The following AOC1 variants were observed in gnomAD, a reference collection of about 807,000 sequenced individuals.
AOC1 encodes diamine oxidase [copper-containing].
AOC1 carries 58 observed loss-of-function variants against 57.1 expected under a neutral mutation model. The observed-to-expected ratio is 1.02, with a 90% CI of 0.82 to 1.26. AOC1 has a LOEUF of 1.26. Ranked by LOEUF, AOC1 falls within the 50% of genes most tolerant of loss-of-function variation. The pLI is 0.00. For missense variants in AOC1, 917 were observed against 1,005.3 expected (o/e 0.91, Z 1.19); for synonymous variants, 401 against 423.4 (o/e 0.95, Z 0.65).
rs561835838 is a variant in AOC1, at chr7:150,852,940, A to G, written c.-17+382A>G. On this transcript the variant is annotated intron_variant, in intron 1 of 4. Transcript: ENST00000360937. The surrounding 1 kb of genome is among the most constrained non-coding windows in gnomAD (Gnocchi z 4.6). ...GAAAAGCAAAAAGAAACGTGGGTAT[A>G]AGAGGTTGTAAAAAAGGAGACCCAG... is the stretch of plus-strand genomic sequence containing the variant. Among the ~76,000 whole-genome samples the G allele has an allele frequency of 3.7e-4, 56 of 152,292 alleles. No individual in the cohort carries two copies. Among genetic ancestry groups the G allele is most frequent in the African/African-American group, 7.5e-4 (31 of 41,568 alleles).
chr7:150,857,242 G>A lies in AOC1; in HGVS notation c.772G>A (p.Val258Met). The change falls in exon 2 of 5, where the codon GTG becomes ATG. Residue 258 changes from valine (V) to methionine (M), a missense_variant. Val to Met is a conservative substitution (Grantham distance 21). Transcript: ENST00000360937. This position sits in a 1 kb window ranked among gnomAD's most constrained non-coding sequence, Gnocchi z 6.6. ...GGCTCGGAAGTATGCAGATGGAGAG[G>A]TGGACGTGGTGGTCCTGGAGGACCC... ...ELARKYADGEVDVVVLEDPLP... is the reference protein window; with the variant it reads ...ELARKYADGEMDVVVLEDPLP... 1.2e-6 allele frequency: 2 copies of A among 1,611,848 alleles called. No individual in the cohort carries two copies. Among genetic ancestry groups the A allele is most frequent in the African/African-American group, 1.3e-5 (1 of 75,048 alleles).
chr7:150,854,598 C>T (rs767450975), intron 1 of AOC1, among the ~76,000 whole-genome samples: 1 of 152,078 alleles, frequency 6.6e-6, no homozygotes, highest in Non-Finnish European at 1.5e-5. Context: ...TGGGAAGGGA[C>T]AATGTGCAGC....
At chr7:150,860,833 A>C in intron 4 of AOC1, 110 bp from the exon 5 acceptor site, 3 of 1,455,698 alleles carry the variant, frequency 2.1e-6, no homozygotes, top group Non-Finnish European at 2.8e-6. Flanking sequence ...AAGGGGCTGG[A>C]GAGGAATTCA....
Position 150,857,364 on chromosome 7 carries a change from C to A in AOC1, c.894C>A (p.Ser298Arg), listed in dbSNP as rs45568935. 1 of 1,606,190 alleles carries A rather than the reference C, an allele frequency of 6.2e-7. No homozygotes were observed. Among genetic ancestry groups the A allele is most frequent in the South Asian group, 1.1e-5 (1 of 90,578 alleles). The change falls in exon 2 of 5, where the codon AGC (serine) becomes AGA (arginine). Residue 298 changes from serine (S) to arginine (R), a missense_variant. Coordinates refer to ENST00000360937, the MANE Select transcript of AOC1 (RefSeq NM_001091.4). This position sits in a 1 kb window ranked among gnomAD's most constrained non-coding sequence, Gnocchi z 6.6. ...ACTTCCCCAGCCCCATCCATGTGAG[C>A]GGCCCCCGCTTGGTCCAGCCCCACG... The part of the protein sequence containing the change: ...RGDFPSPIHV[S>R]GPRLVQPHGP...
chr7:150,853,682 TATATATATATATA>T (rs528620793), intron 1 of AOC1, among the ~76,000 whole-genome samples: 5,368 of 89,446 alleles, frequency 0.06, 353 homozygotes, highest in African/African-American at 0.21. Context: ...TATATATATA[TATATATATATATA>T]TATTTATTTA....
At position 150,856,918 on chromosome 7, in the gene AOC1, C is replaced by A; in HGVS notation, c.448C>A (p.Leu150Ile). Reference protein sequence around the residue: ...SRPISTAEYALLYHTLQEATK... With the variant: ...SRPISTAEYAILYHTLQEATK... The stretch of plus-strand genomic sequence containing the variant: ...GCCCATCTCCACAGCAGAGTATGCC[C>A]TCCTCTACCACACCCTGCAGGAAGC... Residue 150 changes from leucine (L) to isoleucine (I), a missense_variant, in exon 2 of 5, where the codon CTC becomes ATC. By Grantham distance (5) the Leu-to-Ile change is conservative (BLOSUM62 2). Transcript: ENST00000360937. This position sits in a 1 kb window ranked among gnomAD's most constrained non-coding sequence, Gnocchi z 5.2. 6.2e-7 allele frequency: 1 copy of A among 1,614,132 alleles called. No individual in the cohort carries two copies. The highest frequency in any genetic ancestry group is 8.5e-7 in the Non-Finnish European group (1 of 1,179,986).
Position 150,857,371 on chromosome 7 carries a change from C to T in AOC1, c.901C>T (p.Arg301Cys), listed in dbSNP as rs376059379. 3.3e-4 allele frequency: 535 copies of T among 1,608,352 alleles called. 3 individuals carry two copies. The highest frequency in any genetic ancestry group is 4.3e-4 in the Non-Finnish European group (510 of 1,176,946). Residue 301 changes from arginine (R) to cysteine (C), a missense_variant, in exon 2 of 5, where the codon CGC becomes TGC. Coordinates refer to ENST00000360937, the MANE Select transcript of AOC1 (RefSeq NM_001091.4). This position sits in a 1 kb window ranked among gnomAD's most constrained non-coding sequence, Gnocchi z 6.6. Reference sequence around the variant, plus strand: ...CAGCCCCATCCATGTGAGCGGCCCCCGCTTGGTCCAGCCCCACGGCCCTCG... The same window carrying T: ...CAGCCCCATCCATGTGAGCGGCCCCTGCTTGGTCCAGCCCCACGGCCCTCG... ...FPSPIHVSGP[R>C]LVQPHGPRFR...
chr7:150,856,530 G>A lies in AOC1; in HGVS notation c.60G>A (p.Glu20=). 1.2e-6 allele frequency: 2 copies of A among 1,614,068 alleles called. No homozygotes were observed. Among genetic ancestry groups the A allele is most frequent in the Non-Finnish European group, 1.7e-6 (2 of 1,179,964 alleles). Reference sequence around the variant, plus strand: ...TGATGCTGCAGACGGCCATGGCGGAGCCCTCCCCGGGGACTCTGCCCAGGA... The same window carrying A: ...TGATGCTGCAGACGGCCATGGCGGAACCCTCCCCGGGGACTCTGCCCAGGA... ...AILMLQTAMA[E]PSPGTLPRKA... Residue 20 remains glutamate, a synonymous_variant, in exon 2 of 5, where the codon GAG becomes GAA. Coordinates refer to ENST00000360937, the MANE Select transcript of AOC1 (RefSeq NM_001091.4). This position sits in a 1 kb window ranked among gnomAD's most constrained non-coding sequence, Gnocchi z 5.2.
intron 1 of AOC1, among the ~76,000 whole-genome samples, chr7:150,855,686 A>T (rs1484111610): frequency 1.3e-5 from 2 of 152,186 alleles, no homozygotes; most frequent in Non-Finnish European, 2.9e-5. Flanking sequence ...GTCACACCTG[A>T]ATCACTCTAC....
intron 1 of AOC1, among the ~76,000 whole-genome samples, chr7:150,855,250 C>T (rs1173005573): frequency 6.6e-6 from 1 of 152,096 alleles, no homozygotes; most frequent in Admixed American, 6.5e-5. Context: ...TTCACGGTGA[C>T]GGCAGCCTTC....
chr7:150,852,341 C>T (rs111466422), upstream of AOC1: 292 of 152,322 alleles, frequency 1.9e-3, 3 homozygotes, highest in Non-Finnish European at 3.5e-3. The surrounding 1 kb of genome is among the most constrained non-coding windows in gnomAD (Gnocchi z 4.6). Flanking sequence ...GAAACAGACT[C>T]AGGACAAGTG....
At position 150,857,786 on chromosome 7, in the gene AOC1, T is replaced by C. The variant is rs370458287; in HGVS notation, c.1316T>C (p.Phe439Ser). Residue 439 changes from phenylalanine (F) to serine (S), a missense_variant, in exon 2 of 5, where the codon TTC becomes TCC. Physicochemically the swap from Phe to Ser is radical, Grantham distance 155. Transcript: ENST00000360937. The surrounding 1 kb of genome is among the most constrained non-coding windows in gnomAD (Gnocchi z 6.6). ...RHFNSNFKGGFNFYAGLKGQV... is the reference protein window; with the variant it reads ...RHFNSNFKGGSNFYAGLKGQV... ...TTTAATTCCAACTTTAAAGGTGGCTTCAACTTCTATGCGGGGCTGAAGGGC... is the reference window on the plus strand; with the variant it reads ...TTTAATTCCAACTTTAAAGGTGGCTCCAACTTCTATGCGGGGCTGAAGGGC... The C allele has an allele frequency of 3.0e-5, 49 of 1,614,078 alleles. No individual in the cohort carries two copies. The African/African-American group carries it at 6.0e-4, about 20-fold the overall frequency.
At chr7:150,860,156 G>A (rs1799923986) in intron 3 of AOC1, among the ~76,000 whole-genome samples, 1 of 151,796 alleles carries the variant, frequency 6.6e-6, no homozygotes, top group Non-Finnish European at 1.5e-5. Context: ...TCCAGCCTGG[G>A]TGACAGAGCA....
At position 150,861,129 on chromosome 7, in the gene AOC1, G is replaced by C; in HGVS notation, c.2176G>C (p.Val726Leu). ...GCCTCGGGACAACGGCCCCAACTACGTCCAGCGCTGGATCCCTGAGGACAG... is the reference window on the plus strand; with the variant it reads ...GCCTCGGGACAACGGCCCCAACTACCTCCAGCGCTGGATCCCTGAGGACAG... ...VWPRDNGPNY[V>L]QRWIPEDRDC... Residue 726 changes from valine (V) to leucine (L), a missense_variant, in exon 5 of 5, where the codon GTC becomes CTC. Coordinates refer to ENST00000360937, the MANE Select transcript of AOC1 (RefSeq NM_001091.4). The surrounding 1 kb of genome is among the most constrained non-coding windows in gnomAD (Gnocchi z 4.5). 6.2e-7 allele frequency: 1 copy of C among 1,614,022 alleles called. No individual in the cohort carries two copies. Among genetic ancestry groups the C allele is most frequent in the Non-Finnish European group, 8.5e-7 (1 of 1,179,936 alleles).
chr7:150,856,358 G>A lies in AOC1; in HGVS notation c.-16-97G>A. On this transcript the variant is annotated intron_variant, in intron 1 of 4. Coordinates refer to ENST00000360937, the MANE Select transcript of AOC1 (RefSeq NM_001091.4). The surrounding 1 kb of genome is among the most constrained non-coding windows in gnomAD (Gnocchi z 5.2). ...CCAGCTTGGGGCAGGGCAAGGGGAG[G>A]AAGCTCAGTCCATGGGAAAATTCCA... 1.4e-6 allele frequency: 2 copies of A among 1,426,458 alleles called. No homozygotes were observed. The highest frequency in any genetic ancestry group is 1.4e-5 in the South Asian group (1 of 70,496). 88.4% of individuals were successfully genotyped at this position (1,426,458 alleles called of 1,614,324 possible).
rs543613705 is a variant in AOC1, at chr7:150,860,397, G to A, written c.1857-104G>A. On this transcript the variant is annotated intron_variant, in intron 3 of 4. Coordinates refer to ENST00000360937, the MANE Select transcript of AOC1 (RefSeq NM_001091.4). ...ACAGATGATCTGTCATCTTGGGGAA[G>A]GCAATCATCTTCCTCTATTCTGACC... 7.9e-4 allele frequency: 1,233 copies of A among 1,570,688 alleles called. 8 individuals are homozygous for A. Among genetic ancestry groups the A allele is most frequent in the Middle Eastern group, 7.4e-3 (44 of 5,936 alleles).
In AOC1 at chr7:150,856,098, C is replaced by G. The variant is rs754083331; in HGVS notation, c.-16-357C>G. Among the ~76,000 whole-genome samples the G allele has an allele frequency of 4.6e-5, 7 of 152,192 alleles. No homozygotes were observed. The highest frequency in any genetic ancestry group is 7.2e-5 in the African/African-American group (3 of 41,454). On this transcript the variant is annotated intron_variant, in intron 1 of 4. Coordinates refer to ENST00000360937, the MANE Select transcript of AOC1 (RefSeq NM_001091.4). The surrounding 1 kb of genome is among the most constrained non-coding windows in gnomAD (Gnocchi z 5.2). ...TACAGGTGTCTTCTTCTCCAGGACACAAGAAGCACCTGGGGGCATGTGCAG... is the reference window on the plus strand; with the variant it reads ...TACAGGTGTCTTCTTCTCCAGGACAGAAGAAGCACCTGGGGGCATGTGCAG...
rs1799664659 is a variant in AOC1 at position 150,852,988 on chromosome 7, C to A, written c.-17+430C>A. ...CAGCCGTGAAAGGACATGGAGGTAC[C>A]CTAAATGCACACTGCCAAGCAAAAG... On this transcript the variant is annotated intron_variant, in intron 1 of 4. Transcript: ENST00000360937. This position sits in a 1 kb window ranked among gnomAD's most constrained non-coding sequence, Gnocchi z 4.6. Among the ~76,000 whole-genome samples, 1 of 152,022 alleles carries A rather than the reference C, an allele frequency of 6.6e-6. No homozygotes were observed. Among genetic ancestry groups the A allele is most frequent in the African/African-American group, 2.4e-5 (1 of 41,388 alleles).
intron 4 of AOC1, 39 bp from the exon 5 acceptor site, chr7:150,860,887 GCCTCCAGTGGTCAGTAC>G: frequency 6.4e-7 from 1 of 1,557,598 alleles, no homozygotes; most frequent in Non-Finnish European, 8.7e-7. Flanking sequence ...GGCTAGAGTG[GCCTCCAGTGGTCAGTAC>G]TCAGCCCTGC....
Sources: allele counts gnomAD v4.1 joint callset (sites outside exome capture counted in the v4.1 genomes callset), GRCh38; gene constraint gnomAD v4.1.1; non-coding constraint Gnocchi (gnomAD v3.1); transcripts MANE v1.5; gene names NCBI Gene and HGNC (gene_info 2026-07-23, HGNC 2026-07-21).